Variants in RYR1 observed in about 807,000 individuals in gnomAD.
RYR1 encodes central core disease of muscle.
In RYR1, 342 loss-of-function variants were observed where a neutral mutation model predicts 583.5. The ratio of observed to expected loss-of-function variants is 0.59; its 90% CI spans 0.54 to 0.64. The LOEUF (loss-of-function observed/expected upper bound fraction) is 0.64. Ranked by LOEUF, RYR1 falls within the 30% of genes least tolerant of loss-of-function variation. The pLI is 0.00. For synonymous variants in RYR1, 2,791 were observed against 2,822.5 expected, an observed-to-expected ratio of 0.99 and a Z score of 0.35; for missense variants, 6,032 against 6,917.2, an observed-to-expected ratio of 0.87 and a Z score of 4.54.
At chr19:38,520,694 A>AAAAAAAAAAAAAAAAC (rs1971190760) in intron 67 of RYR1, among the ~76,000 whole-genome samples, 1 of 85,684 alleles carries the variant, frequency 1.2e-5, no homozygotes, top group Non-Finnish European at 2.2e-5. Flanking sequence ...GCTCCACCTC[A>AAAAAAAAAAAAAAAAC]AAAAAAAAAA....
At chr19:38,516,560 T>C (rs1169034366) in intron 65 of RYR1, among the ~76,000 whole-genome samples, 2 of 151,526 alleles carry the variant, frequency 1.3e-5, no homozygotes, top group African/African-American at 2.4e-5. Context: ...AGTCCAGGAG[T>C]TCAAGACCAA....
At chr19:38,475,905 A>G (rs772688053) in intron 29 of RYR1, among the ~76,000 whole-genome samples, 9 of 152,200 alleles carry the variant, frequency 5.9e-5, no homozygotes, top group African/African-American at 1.2e-4. Flanking sequence ...CTCCCCAACT[A>G]TTTTGGCACC....
intron 101 of RYR1, 119 bp downstream of exon 101, chr19:38,580,623 G>A: frequency 1.6e-6 from 2 of 1,275,928 alleles, no homozygotes; most frequent in Non-Finnish European, 1.1e-6. Context: ...GCGTCGGGAG[G>A]CCGAGGCGGG....
chr19:38,500,902 T>C lies in RYR1; in HGVS notation c.7526T>C (p.Val2509Ala). The C allele has an allele frequency of 6.2e-7, 1 of 1,613,424 alleles. No homozygotes were observed. The highest frequency in any genetic ancestry group is 8.5e-7 in the Non-Finnish European group (1 of 1,179,738). The change falls in exon 47 of 106, where the codon GTG becomes GCG. Residue 2509 changes from valine (V) to alanine (A), a missense_variant. Around this residue, in one of 11 missense-constraint regions of RYR1, gnomAD observed 2,627 missense variants for 2,961.3 expected, o/e 0.89. Transcript: ENST00000359596. This position sits in a 1 kb window ranked among gnomAD's most constrained non-coding sequence, Gnocchi z 5.9. ...KASMVLFLDR[V>A]YGIENQDFLL... is the part of the protein sequence containing the mutation. ...TCCATGGTGCTCTTCCTGGACCGTG[T>C]GTATGGCATCGAGAACCAGGACTTC...
At chr19:38,537,018 ATG>A in intron 83 of RYR1, 1 of 589,686 alleles carries the variant, frequency 1.7e-6, no homozygotes, top group South Asian at 2.1e-5. Flanking sequence ...CACTTTCCCC[ATG>A]TGTGAAGCAG....
intron 88 of RYR1, 114 bp from the exon 89 acceptor site, chr19:38,548,119 C>A: frequency 8.6e-7 from 1 of 1,163,152 alleles, no homozygotes; most frequent in Non-Finnish European, 1.3e-6. Flanking sequence ...GAGGCTGTGG[C>A]TGGCCAGGGA....
In RYR1 at chr19:38,486,080, G is replaced by T; in HGVS notation, c.5425G>T (p.Asp1809Tyr). Residue 1809 changes from aspartate to tyrosine, a missense_variant, in exon 34 of 106, where the codon GAC (aspartate) becomes TAC (tyrosine). Transcript: ENST00000359596. ...TGCCATCCCGCTGGAGGCCCTGCGG[G>T]ACAAGGCACTGAGGATGCTGGGGGA... ...SPAIPLEALR[D>Y]KALRMLGEAV... 6.2e-7 allele frequency: 1 copy of T among 1,612,716 alleles called. No individual in the cohort carries two copies. Among genetic ancestry groups the T allele is most frequent in the East Asian group, 2.2e-5 (1 of 44,858 alleles).
rs1183892476 is a variant in RYR1 at position 38,473,743 on chromosome 19, G to A, written c.4132G>A (p.Ala1378Thr). The change falls in exon 28 of 106, where the codon GCC (alanine) becomes ACC (threonine). Residue 1378 changes from alanine to threonine, a missense_variant. This residue lies in a region of RYR1 where 2,627 missense variants were observed against 2,961.3 expected (regional missense o/e 0.89). Coordinates refer to ENST00000359596, the MANE Select transcript of RYR1 (RefSeq NM_000540.3). ...CGCCAGGGCGGAGAATGAGAAGGAT[G>A]CCACCACCGAGAAGAACAAGAAGAG... ...QPARAENEKD[A>T]TTEKNKKRGF... The A allele has an allele frequency of 2.6e-6, 4 of 1,539,104 alleles. No individual in the cohort carries two copies. In the South Asian group the frequency reaches 3.6e-5, roughly 14 times the overall value.
chr19:38,519,461 GGGGCCCC>G lies in RYR1; in HGVS notation c.10259+9_10259+15del. On this transcript the variant is annotated splice_region_variant and intron_variant, in intron 67 of 105. Coordinates refer to ENST00000359596, the MANE Select transcript of RYR1 (RefSeq NM_000540.3). ...GCTACGTGGACAACAACAGGTCAGC[GGGGCCCC>G]GCTGTCCCCATGCCCTCCGCCCCGA... 6.3e-7 allele frequency: 1 copy of G among 1,587,796 alleles called. No homozygotes were observed. Among genetic ancestry groups the G allele is most frequent in the Admixed American group, 1.8e-5 (1 of 57,076 alleles).
At chr19:38,569,631 A>G (rs948422629) in intron 93 of RYR1, among the ~76,000 whole-genome samples, 4 of 152,078 alleles carry the variant, frequency 2.6e-5, no homozygotes, top group South Asian at 2.1e-4. Flanking sequence ...AGGAAGCAGC[A>G]TGGCCAAGTG....
chr19:38,504,304 G>A lies in RYR1; in HGVS notation c.8011G>A (p.Glu2671Lys), dbSNP rs750915342. ...WANFGVTSEEELHLTRKLFWG... is the reference protein window; with the variant it reads ...WANFGVTSEEKLHLTRKLFWG... ...CAACTTCGGGGTCACCTCAGAGGAG[G>A]AGCTGCACCTCACACGGAAACTCTT... Residue 2671 changes from glutamate to lysine, a missense_variant, in exon 50 of 106, where the codon GAG becomes AAG. By Grantham distance (56) the Glu-to-Lys change is moderately conservative (BLOSUM62 1). Transcript: ENST00000359596. The A allele has an allele frequency of 6.2e-7, 1 of 1,614,148 alleles. No individual in the cohort carries two copies. Among genetic ancestry groups the A allele is most frequent in the South Asian group, 1.1e-5 (1 of 91,080 alleles).
chr19:38,494,262 G>T, intron 38 of RYR1, 90 bp from the exon 39 acceptor site: 1 of 1,522,090 alleles, frequency 6.6e-7, no homozygotes. Context: ...TTCTGGAACA[G>T]GGGGCCCCTT....
In RYR1 at chr19:38,517,405, G is replaced by C; in HGVS notation, c.9732G>C (p.Pro3244=). Residue 3244 remains proline, a synonymous_variant, in exon 66 of 106, where the codon CCG becomes CCC. Transcript: ENST00000359596. ...NSVEEMCPDI[P]VLERLMADIG... ...TGGAGGAGATGTGTCCCGACATCCC[G>C]GTGCTGGAGCGGCTCATGGCAGACA... is the stretch of plus-strand genomic sequence containing the variant. The C allele has an allele frequency of 5.0e-6, 8 of 1,614,064 alleles. No homozygotes were observed. Among genetic ancestry groups the C allele is most frequent in the Non-Finnish European group, 6.8e-6 (8 of 1,180,006 alleles).
At position 38,512,388 on chromosome 19, in the gene RYR1, G is replaced by A. The variant is rs1194352757; in HGVS notation, c.9377G>A (p.Gly3126Asp). The A allele has an allele frequency of 9.3e-6, 15 of 1,613,850 alleles. No individual in the cohort carries two copies. The highest frequency in any genetic ancestry group is 1.3e-5 in the Non-Finnish European group (15 of 1,180,050). The change falls in exon 63 of 106, where the codon GGC becomes GAC. Residue 3126 changes from glycine to aspartate, a missense_variant. By Grantham distance (94) the Gly-to-Asp change is moderately conservative. Around this residue, in one of 11 missense-constraint regions of RYR1, gnomAD observed 1,493 missense variants for 1,715.5 expected, o/e 0.87. Transcript: ENST00000359596. This position sits in a 1 kb window ranked among gnomAD's most constrained non-coding sequence, Gnocchi z 5.1. ...GCGCGCACCCAGGTGAAAGGCGTGG[G>A]CCAGAACCTCACCTACACCACTGTG... The part of the protein sequence containing the change: ...SQARTQVKGV[G>D]QNLTYTTVAL...
intron 27 of RYR1, among the ~76,000 whole-genome samples, chr19:38,470,438 G>GAAA (rs543327525): frequency 1.3e-5 from 1 of 74,354 alleles, no homozygotes. Context: ...CTGTCTCATT[G>GAAA]AAAAAAAAAA....
chr19:38,572,185 G>A lies in RYR1; in HGVS notation c.13913G>A (p.Gly4638Asp), dbSNP rs118192135. The change falls in exon 95 of 106, where the codon GGC becomes GAC. Residue 4638 changes from glycine to aspartate, a missense_variant. Transcript: ENST00000359596. ...TACTACTTCCTGGAGGAAAGCACAGGCTACATGGAACCCGCCCTGCGGTGT... is the reference window on the plus strand; with the variant it reads ...TACTACTTCCTGGAGGAAAGCACAGACTACATGGAACCCGCCCTGCGGTGT... ...MVYYFLEEST[G>D]YMEPALRCLS... 6.2e-7 allele frequency: 1 copy of A among 1,614,076 alleles called. No homozygotes were observed.
At chr19:38,507,467 G>A (rs1033594873) in intron 57 of RYR1, among the ~76,000 whole-genome samples, 1 of 150,600 alleles carries the variant, frequency 6.6e-6, no homozygotes, top group African/African-American at 2.5e-5. Context: ...GCAGGGCCCG[G>A]GGAACAGAGG....
rs1974151139 is a variant in RYR1 at position 38,580,452 on chromosome 19, A to G, written c.14594A>G (p.Asn4865Ser). ...TTCAACTTCTTCCGCAAGTTCTACAACAAGAGCGAGGATGAGGATGAACCT... is the reference window on the plus strand; with the variant it reads ...TTCAACTTCTTCCGCAAGTTCTACAGCAAGAGCGAGGATGAGGATGAACCT... The part of the protein sequence containing the change: ...VAFNFFRKFY[N>S]KSEDEDEPDM... Residue 4865 changes from asparagine to serine, a missense_variant, in exon 101 of 106, where the codon AAC becomes AGC. By Grantham distance (46) the Asn-to-Ser change is conservative. Coordinates refer to ENST00000359596, the MANE Select transcript of RYR1 (RefSeq NM_000540.3). 6.2e-7 allele frequency: 1 copy of G among 1,614,012 alleles called. No homozygotes were observed. Among genetic ancestry groups the G allele is most frequent in the Non-Finnish European group, 8.5e-7 (1 of 1,180,042 alleles).
At chr19:38,520,839 C>T (rs1443466788) in intron 67 of RYR1, among the ~76,000 whole-genome samples, 2 of 151,886 alleles carry the variant, frequency 1.3e-5, no homozygotes, top group Non-Finnish European at 2.9e-5. Context: ...CAACAGAAGA[C>T]TCCACGGCAG....
Sources: allele counts gnomAD v4.1 joint callset (sites outside exome capture counted in the v4.1 genomes callset), GRCh38; gene constraint gnomAD v4.1.1; regional missense constraint gnomAD v4.1.1; non-coding constraint Gnocchi (gnomAD v3.1); transcripts MANE v1.5; gene names NCBI Gene and HGNC (gene_info 2026-07-23, HGNC 2026-07-21).